TMEM30A: variants seen among roughly 807,000 people sequenced by gnomAD.
The protein encoded by TMEM30A is cell division cycle 50 P4-ATPase accessory subunit A, also known as cell cycle control protein 50A.
Under a neutral mutation model 38.2 loss-of-function variants are expected in TMEM30A, and 24 were observed. That is an observed-to-expected ratio of 0.63 (90% CI 0.46 to 0.88). The LOEUF is 0.88. Among genes scored for constraint, TMEM30A ranks in the 40% least tolerant of loss-of-function variants. The probability of loss-of-function intolerance (pLI) is 0.00; values close to 1 mark genes in which losing one functional copy is unlikely to be tolerated. For missense variants in TMEM30A, 370 were observed against 458.6 expected, an observed-to-expected ratio of 0.81 and a Z score of 1.77; for synonymous variants, 145 against 161.6, an observed-to-expected ratio of 0.90 and a Z score of 0.78.
At chr6:75,267,863 A>C in intron 1 of TMEM30A, 115 bp from the exon 2 acceptor site, 8 of 582,054 alleles carry the variant, frequency 1.4e-5, no homozygotes, top group Admixed American at 3.5e-5. Context: ...CCTAGAGCTC[A>C]GACAAAAACT....
rs1313385439 is a variant in TMEM30A, at chr6:75,254,210, C to A, written c.*1892G>T. On this transcript the variant is annotated 3_prime_UTR_variant, in exon 7 of 7. Coordinates refer to ENST00000230461, the MANE Select transcript of TMEM30A (RefSeq NM_018247.4). ...GTGCTGAAAGGGCTCTTCAACTTTTCTTTAGCGACATCCTCTGTGCCCCAG... is the reference window on the plus strand; with the variant it reads ...GTGCTGAAAGGGCTCTTCAACTTTTATTTAGCGACATCCTCTGTGCCCCAG... The A allele has an allele frequency of 6.6e-6, 1 of 152,096 alleles. No individual in the cohort carries two copies. The highest frequency in any genetic ancestry group is 1.5e-5 in the Non-Finnish European group (1 of 67,996). 9.4% of individuals were successfully genotyped at this position (152,096 alleles called of 1,614,324 possible). A position where few individuals can be genotyped will look rare whatever the true frequency, so the allele number is the denominator to read the frequency against.
At chr6:75,283,444 T>G (rs1158540280) in intron 1 of TMEM30A, among the ~76,000 whole-genome samples, 2 of 152,052 alleles carry the variant, frequency 1.3e-5, no homozygotes, top group African/African-American at 2.4e-5. Flanking sequence ...TGAGAGATGC[T>G]TAATACTGGA....
rs1771827470 is a variant in TMEM30A at position 75,254,022 on chromosome 6, C to G, written c.*2080G>C. 6.6e-6 allele frequency: 1 copy of G among 152,068 alleles called. No individual in the cohort carries two copies. The highest frequency in any genetic ancestry group is 1.5e-5 in the Non-Finnish European group (1 of 67,984). 9.4% of individuals were successfully genotyped at this position (152,068 alleles called of 1,614,324 possible). ...AAATGTCTTCCCTCCCCCCATGCTT[C>G]ACAGAGACTATACGAATGTTCCATA... On this transcript the variant is annotated 3_prime_UTR_variant, in exon 7 of 7. Coordinates refer to ENST00000230461, the MANE Select transcript of TMEM30A (RefSeq NM_018247.4).
chr6:75,257,225 T>C (rs1410897361), intron 6 of TMEM30A, among the ~76,000 whole-genome samples: 3 of 152,132 alleles, frequency 2.0e-5, no homozygotes, highest in Non-Finnish European at 4.4e-5. Context: ...CCCATGCTTG[T>C]CTCTCTCTAG....
chr6:75,262,569 G>T (rs1452748492), intron 3 of TMEM30A, among the ~76,000 whole-genome samples: 2 of 151,754 alleles, frequency 1.3e-5, no homozygotes, highest in East Asian at 3.9e-4. Flanking sequence ...TTGAACCGGG[G>T]AGGCAGAAGT....
At chr6:75,268,852 G>T (rs2149521403) in intron 1 of TMEM30A, among the ~76,000 whole-genome samples, 1 of 152,272 alleles carries the variant, frequency 6.6e-6, no homozygotes, top group South Asian at 2.1e-4. Context: ...AGTCTTGTTG[G>T]GGACCATGCC....
rs1253762861 is a variant in TMEM30A at position 75,253,256 on chromosome 6, C to T, written c.*2846G>A. The T allele has an allele frequency of 6.6e-6, 1 of 152,154 alleles. No homozygotes were observed. The highest frequency in any genetic ancestry group is 1.5e-5 in the Non-Finnish European group (1 of 68,002). The allele number at this position is 152,154 out of a possible 1,614,324, so 9.4% of individuals were successfully genotyped here. Reference sequence around the variant, plus strand: ...TGAACCGCATTCACTGACCCTATCTCTCAGCTGCTCCTCCTCACTAGTCAG... The same window carrying T: ...TGAACCGCATTCACTGACCCTATCTTTCAGCTGCTCCTCCTCACTAGTCAG... On this transcript the variant is annotated 3_prime_UTR_variant, in exon 7 of 7. Transcript: ENST00000230461.
At chr6:75,260,577 T>C (rs1456052164) in intron 4 of TMEM30A, among the ~76,000 whole-genome samples, 35 of 152,222 alleles carry the variant, frequency 2.3e-4, no homozygotes, top group Non-Finnish European at 5.1e-4. Flanking sequence ...CTGACTTTTA[T>C]TTTTATATGA....
rs1273247176 is a variant in TMEM30A, at chr6:75,254,736, C to A, written c.*1366G>T. On this transcript the variant is annotated 3_prime_UTR_variant, in exon 7 of 7. Transcript: ENST00000230461. The stretch of plus-strand genomic sequence containing the variant: ...AACATGAGTTATTTCAGTAAAAAAA[C>A]AACAACAAAAAAGCAATTTCAATGT... 6.6e-6 allele frequency: 1 copy of A among 152,108 alleles called. No individual in the cohort carries two copies. The highest frequency in any genetic ancestry group is 1.5e-5 in the Non-Finnish European group (1 of 67,820). 9.4% of individuals were successfully genotyped at this position (152,108 alleles called of 1,614,324 possible).
intron 1 of TMEM30A, chr6:75,284,086 G>T: frequency 2.7e-6 from 1 of 371,064 alleles, no homozygotes. Flanking sequence ...ATCCCCCACG[G>T]AACCACACAA....
rs1771858753 is a variant in TMEM30A at position 75,255,928 on chromosome 6, A to G, written c.*174T>C. ...TAGCTAATTTTTTTATACCCGTCAT[A>G]TATTTTTAGAAGTCATCCGTAGGGA... On this transcript the variant is annotated 3_prime_UTR_variant, in exon 7 of 7. Coordinates refer to ENST00000230461, the MANE Select transcript of TMEM30A (RefSeq NM_018247.4). The G allele has an allele frequency of 3.9e-6, 2 of 518,516 alleles. No homozygotes were observed. Among genetic ancestry groups the G allele is most frequent in the Admixed American group, 3.5e-5 (1 of 28,570 alleles). 32.1% of individuals were successfully genotyped at this position (518,516 alleles called of 1,614,324 possible).
Position 75,284,714 on chromosome 6 carries a change from G to A in TMEM30A, c.-76C>T. On this transcript the variant is annotated 5_prime_UTR_variant, in exon 1 of 7. Coordinates refer to ENST00000230461, the MANE Select transcript of TMEM30A (RefSeq NM_018247.4). Reference sequence around the variant, plus strand: ...CCGCCGGCTGACCCTGACAGGAACCGCTCGAGCGCCGCTGCCGCCGCCGCC... The same window carrying A: ...CCGCCGGCTGACCCTGACAGGAACCACTCGAGCGCCGCTGCCGCCGCCGCC... 6.7e-7 allele frequency: 1 copy of A among 1,492,114 alleles called. No individual in the cohort carries two copies. The allele number at this position is 1,492,114 out of a possible 1,614,324, so 92.4% of individuals were successfully genotyped here.
chr6:75,275,825 TA>T (rs1444553631), intron 1 of TMEM30A, among the ~76,000 whole-genome samples: 2 of 151,948 alleles, frequency 1.3e-5, no homozygotes, highest in African/African-American at 4.8e-5. Context: ...ACAGAGCTCC[TA>T]AAAAAAACTC....
rs560590864 is a variant in TMEM30A at position 75,265,471 on chromosome 6, C to T, written c.346-133G>A. 1.7e-4 allele frequency: 75 copies of T among 442,912 alleles called. 2 individuals carry two copies. In the South Asian group the frequency reaches 2.2e-3, roughly 13 times the overall value. 27.4% of individuals were successfully genotyped at this position (442,912 alleles called of 1,614,324 possible). On this transcript the variant is annotated intron_variant, in intron 2 of 6. Transcript: ENST00000230461. ...TTGTGATAGGTAGTGGGGTAAATTC[C>T]ACCAGTACTTAGCAATCTAAAATGG...
chr6:75,270,307 G>A (rs1002029497), intron 1 of TMEM30A, among the ~76,000 whole-genome samples: 2 of 152,154 alleles, frequency 1.3e-5, no homozygotes, highest in East Asian at 1.9e-4. Flanking sequence ...ATGATGTTGA[G>A]CATTTTTATA....
rs777949010 is a variant in TMEM30A at position 75,260,826 on chromosome 6, T to C, written c.539A>G (p.Asn180Ser). Residue 180 changes from asparagine (N) to serine (S), a missense_variant and splice_region_variant, in exon 4 of 7, where the codon AAT becomes AGT. Transcript: ENST00000230461. Reference sequence around the variant, plus strand: ...CTATATTTGTATCTATATCATACCATTAAACATGCTGTTGGCAATAGCTCC... The same window carrying C: ...CTATATTTGTATCTATATCATACCACTAAACATGCTGTTGGCAATAGCTCC... Reference protein sequence around the residue: ...PCGAIANSMFNDTLELFLIGN... With the variant: ...PCGAIANSMFSDTLELFLIGN... The C allele has an allele frequency of 1.0e-5, 16 of 1,582,210 alleles. No individual in the cohort carries two copies. The highest frequency in any genetic ancestry group is 6.9e-6 in the Non-Finnish European group (8 of 1,167,222).
intron 1 of TMEM30A, among the ~76,000 whole-genome samples, chr6:75,279,221 A>G (rs1202559231): frequency 2.0e-5 from 3 of 152,186 alleles, no homozygotes; most frequent in Non-Finnish European, 4.4e-5. Flanking sequence ...ACAATGTCCA[A>G]TGTTGATTAA....
chr6:75,254,413 A>G lies in TMEM30A; in HGVS notation c.*1689T>C, dbSNP rs1336986732. 6.6e-6 allele frequency: 1 copy of G among 152,108 alleles called. No homozygotes were observed. 9.4% of individuals were successfully genotyped at this position (152,108 alleles called of 1,614,324 possible). ...AGGACTGACAAAACAGACTATTTTT[A>G]GACAAAGAACACACCAAATACTCCG... On this transcript the variant is annotated 3_prime_UTR_variant, in exon 7 of 7. Coordinates refer to ENST00000230461, the MANE Select transcript of TMEM30A (RefSeq NM_018247.4).
intron 3 of TMEM30A, among the ~76,000 whole-genome samples, chr6:75,262,514 G>A (rs761342991): frequency 7.2e-5 from 11 of 151,880 alleles, no homozygotes; most frequent in Non-Finnish European, 8.8e-5. Context: ...ATGGTGGTGG[G>A]GGCCTATAAT....
Sources: gnomAD v4.1 joint callset for allele counts (sites outside exome capture counted in the v4.1 genomes callset) on GRCh38, gnomAD v4.1.1 for gene constraint, MANE v1.5 for transcripts, NCBI Gene and HGNC (gene_info 2026-07-23, HGNC 2026-07-21) for gene names.